The following MYO16 variants were observed in gnomAD, a reference collection of about 807,000 sequenced individuals.
MYO16 encodes the protein unconventional myosin-XVI.
A neutral mutation model predicts 205.3 loss-of-function variants in MYO16; 94 were observed. The observed-to-expected ratio is 0.46, with a 90% CI of 0.39 to 0.54. The LOEUF is 0.54. MYO16 is among the 20% of genes least tolerant of loss of function. The pLI is 0.00. For missense variants in MYO16, 2,315 were observed against 2,387.5 expected (o/e 0.97, Z 0.63); for synonymous variants, 988 against 954.0 (o/e 1.04, Z -0.66).
At chr13:108,958,412 T>A (rs1207361631) in intron 17 of MYO16, among the ~76,000 whole-genome samples, 1 of 151,988 alleles carries the variant, frequency 6.6e-6, no homozygotes, top group Non-Finnish European at 1.5e-5. Context: ...ACAATATAAA[T>A]GTTTTAATAT....
chr13:108,645,607 G>A (rs1016404142), intron 1 of MYO16, among the ~76,000 whole-genome samples: 3 of 152,130 alleles, frequency 2.0e-5, no homozygotes, highest in African/African-American at 4.8e-5. Flanking sequence ...GGAAAAGATC[G>A]CCAGTGGTTT....
chr13:108,737,329 TGA>T (rs1335741614), intron 4 of MYO16, among the ~76,000 whole-genome samples: 1 of 152,198 alleles, frequency 6.6e-6, no homozygotes, highest in African/African-American at 2.4e-5. Flanking sequence ...CCTAATTTAT[TGA>T]GAGTTTTTAG....
chr13:108,602,103 A>G (rs1374342647), intron 1 of MYO16, among the ~76,000 whole-genome samples: 23 of 4,980 alleles, frequency 4.6e-3, no homozygotes, highest in Non-Finnish European at 6.3e-3. Flanking sequence ...GATATGATGA[A>G]AAAAAAAAAA....
At chr13:109,014,600 AT>A (rs1366001560) in intron 22 of MYO16, among the ~76,000 whole-genome samples, 2 of 152,278 alleles carry the variant, frequency 1.3e-5, no homozygotes, top group East Asian at 1.9e-4. Flanking sequence ...ATCCATGAGC[AT>A]TGGAATGTTC....
chr13:108,894,884 G>A (rs1880337740), intron 14 of MYO16, among the ~76,000 whole-genome samples: 1 of 152,156 alleles, frequency 6.6e-6, no homozygotes, highest in Non-Finnish European at 1.5e-5. Flanking sequence ...ATTGGAAGCA[G>A]GGCATTTTCC....
In MYO16 at chr13:108,910,104, G is replaced by C. The variant is rs764078596; in HGVS notation, c.1879G>C (p.Ala627Pro). 1 of 1,613,366 alleles carries C rather than the reference G, an allele frequency of 6.2e-7. No homozygotes were observed. Among genetic ancestry groups the C allele is most frequent in the South Asian group, 1.1e-5 (1 of 91,058 alleles). ...CTACTTGTTGATGGATGGGTTATCT[G>C]CTGAAGAAAAATATGGACTTCATCT... Reference protein sequence around the residue: ...IFYLLMDGLSAEEKYGLHLNN... With the variant: ...IFYLLMDGLSPEEKYGLHLNN... The change falls in exon 16 of 35, where the codon GCT (alanine) becomes CCT (proline). Residue 627 changes from alanine to proline, a missense_variant. Transcript: ENST00000457511.
Position 109,158,732 on chromosome 13 carries a change from A to G in MYO16, c.5165-6169A>G, listed in dbSNP as rs906666694. 9.9e-4 allele frequency among the ~76,000 whole-genome samples: 151 copies of G among 152,234 alleles called. 1 individual carries two copies. Among genetic ancestry groups the G allele is most frequent in the Non-Finnish European group, 1.9e-3 (132 of 68,036 alleles). ...ATTGGGGAAAGGTGAGCTTTTTTAA[A>G]AAAATAATAATAAAGATGAAAAATG... On this transcript the variant is annotated intron_variant, in intron 32 of 34. Coordinates refer to ENST00000457511, the MANE Select transcript of MYO16 (RefSeq NM_001198950.3).
chr13:108,959,296 C>A (rs1479396961), intron 17 of MYO16, among the ~76,000 whole-genome samples: 1 of 152,166 alleles, frequency 6.6e-6, no homozygotes, highest in Admixed American at 6.6e-5. Flanking sequence ...TGCTGTGGTA[C>A]TTTTTTGTTT....
the MYO16 span, among the ~76,000 whole-genome samples, chr13:108,520,905 G>A: frequency 1.3e-5 from 2 of 152,098 alleles, no homozygotes; most frequent in East Asian, 3.9e-4. Context: ...TTGGGCTAAG[G>A]GGCCTCAAAT....
At chr13:109,154,419 C>G (rs750818883) in intron 32 of MYO16, among the ~76,000 whole-genome samples, 2 of 152,132 alleles carry the variant, frequency 1.3e-5, no homozygotes, top group Admixed American at 6.5e-5. Context: ...GGGCCCTGGT[C>G]TGTGTCTTTT....
At chr13:108,938,278 G>A (rs1224579612) in intron 16 of MYO16, among the ~76,000 whole-genome samples, 2 of 152,136 alleles carry the variant, frequency 1.3e-5, no homozygotes, top group Non-Finnish European at 2.9e-5. Flanking sequence ...AGAGCTGTCT[G>A]AGGCCAACAT....
chr13:109,146,991 C>T (rs1417594254), intron 32 of MYO16, among the ~76,000 whole-genome samples: 1 of 151,470 alleles, frequency 6.6e-6, no homozygotes, highest in Non-Finnish European at 1.5e-5. Flanking sequence ...GTACTCAAAC[C>T]AATCAATCCA....
chr13:109,018,151 G>A (rs989137099), intron 22 of MYO16, among the ~76,000 whole-genome samples: 5 of 152,138 alleles, frequency 3.3e-5, no homozygotes, highest in Non-Finnish European at 5.9e-5. Context: ...TGGAGTTTTG[G>A]TGTGGATGCC....
chr13:108,791,637 T>C (rs1886619025), intron 5 of MYO16, among the ~76,000 whole-genome samples: 2 of 152,122 alleles, frequency 1.3e-5, no homozygotes, highest in South Asian at 4.1e-4. Context: ...GCTCCTCTTC[T>C]CTATTGCTCA....
intron 23 of MYO16, among the ~76,000 whole-genome samples, chr13:109,031,042 G>T (rs1339853652): frequency 6.6e-6 from 1 of 152,036 alleles, no homozygotes; most frequent in East Asian, 1.9e-4. Flanking sequence ...ACTAATTGAT[G>T]GAATGAGTAC....
chr13:108,951,831 G>C (rs1409546214), intron 16 of MYO16, among the ~76,000 whole-genome samples: 1 of 152,156 alleles, frequency 6.6e-6, no homozygotes, highest in Admixed American at 6.5e-5. Context: ...GGCCTGGCGT[G>C]GTGGCGCATG....
At chr13:108,953,898 G>A (rs532559590) in intron 16 of MYO16, among the ~76,000 whole-genome samples, 1 of 152,106 alleles carries the variant, frequency 6.6e-6, no homozygotes, top group South Asian at 2.1e-4. Context: ...AAGTTTTCTG[G>A]CTACAGAGGA....
In MYO16 at chr13:108,734,893, T is replaced by C. The variant is rs1239315023; in HGVS notation, c.507+7310T>C. Among the ~76,000 whole-genome samples the C allele has an allele frequency of 2.6e-5, 4 of 152,312 alleles. No homozygotes were observed. In the East Asian group the frequency reaches 7.7e-4, roughly 29 times the overall value. ...GTCGCATGTGGAATTCTGTCTGCAA[T>C]GGAGCCTGGGAAATGTAGTTTCTAG... On this transcript the variant is annotated intron_variant, in intron 4 of 34. Transcript: ENST00000457511.
intron 27 of MYO16, among the ~76,000 whole-genome samples, chr13:109,058,713 G>A (rs893600642): frequency 6.6e-6 from 1 of 152,126 alleles, no homozygotes. Context: ...TAGGGTGGCT[G>A]TAGTAATCTC....
Sources: gnomAD v4.1 joint callset for allele counts (sites outside exome capture counted in the v4.1 genomes callset) on GRCh38, gnomAD v4.1.1 for gene constraint, MANE v1.5 for transcripts, NCBI Gene and HGNC (gene_info 2026-07-23, HGNC 2026-07-21) for gene names.